TSPAN9: variants seen among roughly 807,000 people sequenced by gnomAD.
The protein encoded by TSPAN9 is tetraspanin 9, also known as tetraspanin-9.
TSPAN9 carries 16 observed loss-of-function variants against 31.0 expected under a neutral mutation model. That is an observed-to-expected ratio of 0.52 (90% CI 0.35 to 0.78). The LOEUF (loss-of-function observed/expected upper bound fraction) is 0.78. Among genes scored for constraint, TSPAN9 ranks in the 30% least tolerant of loss-of-function variants. The pLI, the probability that TSPAN9 is intolerant of heterozygous loss-of-function variation, is 0.01. For synonymous variants in TSPAN9, 145 were observed against 121.6 expected (o/e 1.19, Z -1.27); for missense variants, 272 against 312.5 (o/e 0.87, Z 0.98).
intron 2 of TSPAN9, among the ~76,000 whole-genome samples, chr12:3,141,363 T>G (rs1404890552): frequency 6.6e-6 from 1 of 152,136 alleles, no homozygotes; most frequent in Non-Finnish European, 1.5e-5. Flanking sequence ...TCCAGCCTGT[T>G]CGCCTCGGTC....
intron 2 of TSPAN9, among the ~76,000 whole-genome samples, chr12:3,119,981 CCT>C (rs1220115219): frequency 1.3e-5 from 2 of 152,120 alleles, no homozygotes; most frequent in African/African-American, 4.8e-5. Flanking sequence ...GGCCTGGGTG[CCT>C]CTCTGTAGCG....
At chr12:3,171,485 T>C (rs9668437) in intron 2 of TSPAN9, among the ~76,000 whole-genome samples, 16,329 of 152,196 alleles carry the variant, frequency 0.11, 943 homozygotes, top group African/African-American at 0.12. Flanking sequence ...TGCTGTCCCC[T>C]CTCTCATTCA....
chr12:3,131,567 C>T (rs556492706), intron 2 of TSPAN9, among the ~76,000 whole-genome samples: 2 of 152,276 alleles, frequency 1.3e-5, no homozygotes, highest in Admixed American at 6.5e-5. Context: ...AGCTTCTGGC[C>T]TGACCGTGGC....
chr12:3,259,119 C>T (rs1261769069), intron 3 of TSPAN9, among the ~76,000 whole-genome samples: 1 of 152,250 alleles, frequency 6.6e-6, no homozygotes, highest in Non-Finnish European at 1.5e-5. Flanking sequence ...CTATCATTTT[C>T]ATTTTGTATG....
At chr12:3,160,112 T>G (rs1338759721) in intron 2 of TSPAN9, among the ~76,000 whole-genome samples, 1 of 152,192 alleles carries the variant, frequency 6.6e-6, no homozygotes, top group Non-Finnish European at 1.5e-5. Flanking sequence ...CCCCCAGCCC[T>G]GGGCAACCAC....
At chr12:3,265,925 G>A (rs1000175498) in intron 3 of TSPAN9, among the ~76,000 whole-genome samples, 1 of 152,182 alleles carries the variant, frequency 6.6e-6, no homozygotes, top group African/African-American at 2.4e-5. Flanking sequence ...CAGAGAAAAT[G>A]ATAGTGACTG....
chr12:3,146,443 T>G (rs745584791), intron 2 of TSPAN9, among the ~76,000 whole-genome samples: 3 of 152,194 alleles, frequency 2.0e-5, no homozygotes, highest in Non-Finnish European at 2.9e-5. Flanking sequence ...CCGTCTCTCC[T>G]ACCAGTATCT....
At chr12:3,088,294 T>C (rs1377275171) in intron 2 of TSPAN9, among the ~76,000 whole-genome samples, 1 of 152,250 alleles carries the variant, frequency 6.6e-6, no homozygotes, top group Non-Finnish European at 1.5e-5. Context: ...ACAATTAGGT[T>C]TGAAGCCAGA....
chr12:3,145,018 G>T (rs1018365704), intron 2 of TSPAN9, among the ~76,000 whole-genome samples: 6 of 152,138 alleles, frequency 3.9e-5, no homozygotes, highest in African/African-American at 1.4e-4. Flanking sequence ...GTTTCCTTGT[G>T]CAGAGAGCTC....
intron 2 of TSPAN9, among the ~76,000 whole-genome samples, chr12:3,157,230 G>T (rs1046625488): frequency 2.0e-5 from 3 of 152,140 alleles, no homozygotes; most frequent in Admixed American, 1.3e-4. Context: ...CTCCCGAGTA[G>T]CTGGGACTAC....
chr12:3,099,939 T>A (rs1328542928), intron 2 of TSPAN9, among the ~76,000 whole-genome samples: 1 of 151,766 alleles, frequency 6.6e-6, no homozygotes, highest in African/African-American at 2.4e-5. Flanking sequence ...CCTCCCGGGT[T>A]CATGCCATTC....
chr12:3,244,178 CTA>C (rs1416283286), intron 3 of TSPAN9, among the ~76,000 whole-genome samples: 1 of 152,206 alleles, frequency 6.6e-6, no homozygotes, highest in Non-Finnish European at 1.5e-5. Flanking sequence ...AGGGAGGTGT[CTA>C]TGTCTGTGAC....
chr12:3,211,587 G>A (rs888279810), intron 3 of TSPAN9: 35 of 1,156,832 alleles, frequency 3.0e-5, no homozygotes, highest in Admixed American at 4.6e-5. Context: ...AGGGAAAATT[G>A]CTGTCTTTTT....
chr12:3,103,647 TG>T (rs1351764546), intron 2 of TSPAN9, among the ~76,000 whole-genome samples: 1 of 152,216 alleles, frequency 6.6e-6, no homozygotes, highest in African/African-American at 2.4e-5. Flanking sequence ...TGTTGTCTCT[TG>T]GCTGTGACTT....
At chr12:3,252,566 C>A (rs1204097924) in intron 3 of TSPAN9, among the ~76,000 whole-genome samples, 1 of 152,236 alleles carries the variant, frequency 6.6e-6, no homozygotes, top group African/African-American at 2.4e-5. Context: ...ATGCGGGGAG[C>A]CTGCCGCTAG....
chr12:3,269,685 A>G (rs1228853593), intron 3 of TSPAN9, among the ~76,000 whole-genome samples: 3 of 152,234 alleles, frequency 2.0e-5, no homozygotes, highest in Non-Finnish European at 2.9e-5. Context: ...CTTGCAGTCT[A>G]GAGGCCACAT....
rs140778035 is a variant in TSPAN9 at position 3,150,642 on chromosome 12, G to A, written c.-17-50535G>A. Among the ~76,000 whole-genome samples the A allele has an allele frequency of 3.1e-3, 468 of 152,330 alleles. 2 individuals carry two copies. The highest frequency in any genetic ancestry group is 5.7e-3 in the Non-Finnish European group (391 of 68,038). On this transcript the variant is annotated intron_variant, in intron 2 of 8. Transcript: ENST00000011898. ...CGTTGTATTTGGTGTCTTAAGTGAG[G>A]AGAGTATGCTTTTTGGGGCCTCAGA...
chr12:3,221,085 C>T (rs112576670), intron 3 of TSPAN9, among the ~76,000 whole-genome samples: 14 of 152,104 alleles, frequency 9.2e-5, no homozygotes, highest in Non-Finnish European at 1.6e-4. Context: ...CCACAGGGAC[C>T]GGGAGACTGG....
Position 3,107,831 on chromosome 12 carries a change from C to T in TSPAN9, c.-18+24112C>T, listed in dbSNP as rs138615614. ...CTACCTGGGCATGAATTCATTTTTTCCTGGCTTGAGTTTCAAATGTCAACT... is the reference window on the plus strand; with the variant it reads ...CTACCTGGGCATGAATTCATTTTTTTCTGGCTTGAGTTTCAAATGTCAACT... On this transcript the variant is annotated intron_variant, in intron 2 of 8. Transcript: ENST00000011898. This position sits in a 1 kb window ranked among gnomAD's most constrained non-coding sequence, Gnocchi z 4.1. 6.6e-6 allele frequency among the ~76,000 whole-genome samples: 1 copy of T among 152,306 alleles called. No homozygotes were observed. The highest frequency in any genetic ancestry group is 1.5e-5 in the Non-Finnish European group (1 of 68,024).
Sources: allele counts gnomAD v4.1 joint callset (sites outside exome capture counted in the v4.1 genomes callset), GRCh38; gene constraint gnomAD v4.1.1; non-coding constraint Gnocchi (gnomAD v3.1); transcripts MANE v1.5; gene names NCBI Gene and HGNC (gene_info 2026-07-23, HGNC 2026-07-21).